Variants in VPS13B observed in about 807,000 individuals in gnomAD.
The protein encoded by VPS13B is intermembrane lipid transfer protein VPS13B.
Under a neutral mutation model 426.4 loss-of-function variants are expected in VPS13B, and 285 were observed. The observed-to-expected ratio is 0.67, with a 90% confidence interval of 0.61 to 0.74. The LOEUF is 0.74. Ranked by LOEUF, VPS13B falls within the 30% of genes least tolerant of loss-of-function variation. The pLI, the probability that VPS13B is intolerant of heterozygous loss-of-function variation, is 0.00. For synonymous variants in VPS13B, 1,676 were observed against 1,676.4 expected (o/e 1.00, Z 0.01); for missense variants, 4,537 against 4,782.6 (o/e 0.95, Z 1.51).
intron 15 of VPS13B, among the ~76,000 whole-genome samples, chr8:99,166,509 G>T (rs903742445): frequency 6.6e-6 from 1 of 152,068 alleles, no homozygotes; most frequent in Admixed American, 6.6e-5. Context: ...TATTGTTTAG[G>T]AATTAACTTA....
Position 99,818,804 on chromosome 8 carries a change from C to G in VPS13B, c.8537C>G (p.Thr2846Arg), listed in dbSNP as rs745613939. The G allele has an allele frequency of 1.2e-6, 2 of 1,613,980 alleles. No homozygotes were observed. The highest frequency in any genetic ancestry group is 1.7e-6 in the Non-Finnish European group (2 of 1,179,948). Residue 2846 changes from threonine (T) to arginine (R), a missense_variant, in exon 47 of 62, where the codon ACA becomes AGA. By Grantham distance (71) the Thr-to-Arg change is moderately conservative (BLOSUM62 -1). Coordinates refer to ENST00000357162, the MANE Select transcript of VPS13B (RefSeq NM_152564.5). ...LEKRSLGLSE[T>R]QIIPGKGQEK... The stretch of plus-strand genomic sequence containing the variant: ...AAAAGGAGTCTGGGATTGAGTGAAA[C>G]ACAAATTATTCCAGGAAAAGGGCAG...
intron 23 of VPS13B, among the ~76,000 whole-genome samples, chr8:99,448,744 T>G (rs914121282): frequency 6.6e-6 from 1 of 152,200 alleles, no homozygotes; most frequent in Non-Finnish European, 1.5e-5. Flanking sequence ...TTACACACAT[T>G]CCAGCTTTAA....
chr8:99,473,659 C>A (rs1819531077), intron 24 of VPS13B, among the ~76,000 whole-genome samples: 1 of 152,042 alleles, frequency 6.6e-6, no homozygotes, highest in African/African-American at 2.4e-5. Context: ...GAGTTCCTAA[C>A]CATTACAATA....
intron 19 of VPS13B, among the ~76,000 whole-genome samples, chr8:99,337,212 A>G (rs933293262): frequency 1.3e-5 from 2 of 152,114 alleles, no homozygotes; most frequent in Non-Finnish European, 2.9e-5. Flanking sequence ...TGTCCTTTGT[A>G]GGGACATGGA....
chr8:99,527,281 C>T (rs935407170), intron 30 of VPS13B, among the ~76,000 whole-genome samples: 1 of 151,948 alleles, frequency 6.6e-6, no homozygotes. Flanking sequence ...TAACTAACAC[C>T]TTATATGAAT....
chr8:99,809,047 T>G (rs915949623), intron 43 of VPS13B, among the ~76,000 whole-genome samples: 1 of 152,206 alleles, frequency 6.6e-6, no homozygotes, highest in Non-Finnish European at 1.5e-5. Context: ...ACCAAGGTTC[T>G]TTGATCTCAC....
intron 61 of VPS13B, 97 bp from the exon 62 acceptor site, chr8:99,875,321 G>A: frequency 6.5e-7 from 1 of 1,528,526 alleles, no homozygotes; most frequent in Non-Finnish European, 9.0e-7. Context: ...TGACCTAAAA[G>A]GCATAATGTA....
At chr8:99,372,123 C>T (rs1326737087) in intron 19 of VPS13B, among the ~76,000 whole-genome samples, 5 of 151,370 alleles carry the variant, frequency 3.3e-5, no homozygotes, top group South Asian at 2.1e-4. Context: ...AGGTGGCGGG[C>T]GCCTGTAGTC....
At chr8:99,767,012 A>G (rs1811260579) in intron 40 of VPS13B, 42 bp downstream of exon 40, 1 of 1,593,976 alleles carries the variant, frequency 6.3e-7, no homozygotes, top group Non-Finnish European at 8.6e-7. Context: ...ACACTGGGAA[A>G]CAATGATAAG....
chr8:99,866,949 A>T (rs1184809578), intron 58 of VPS13B, among the ~76,000 whole-genome samples: 1 of 152,072 alleles, frequency 6.6e-6, no homozygotes, highest in African/African-American at 2.4e-5. Flanking sequence ...TCCTCTGCTC[A>T]CTCTTGGCAT....
intron 17 of VPS13B, among the ~76,000 whole-genome samples, chr8:99,204,409 G>C (rs1360116425): frequency 6.6e-6 from 1 of 152,114 alleles, no homozygotes; most frequent in African/African-American, 2.4e-5. Context: ...AAAAACCCTA[G>C]AAGAAAACCT....
At chr8:99,875,274 A>G in intron 61 of VPS13B, 144 bp from the exon 62 acceptor site, 1 of 1,210,106 alleles carries the variant, frequency 8.3e-7, no homozygotes, top group Non-Finnish European at 1.2e-6. Flanking sequence ...ATCTCAGAGG[A>G]AAAAAGGAAA....
At chr8:99,425,640 C>G (rs1374681196) in intron 21 of VPS13B, among the ~76,000 whole-genome samples, 1 of 152,170 alleles carries the variant, frequency 6.6e-6, no homozygotes, top group African/African-American at 2.4e-5. Flanking sequence ...GAAGCATTCC[C>G]TTTGAAAACT....
rs796089442 is a variant in VPS13B at position 99,215,578 on chromosome 8, C to A, written c.2515+22521C>A. Among the ~76,000 whole-genome samples, 76 of 152,252 alleles carry A rather than the reference C, an allele frequency of 5.0e-4. 1 individual carries two copies. The highest frequency in any genetic ancestry group is 3.4e-3 in the Middle Eastern group (1 of 294). On this transcript the variant is annotated intron_variant, in intron 17 of 61. Coordinates refer to ENST00000357162, the MANE Select transcript of VPS13B (RefSeq NM_152564.5). ...TAGGTTGAGTCTGGAGAAACTCATG[C>A]ATGTGATTCCTTTTGCCCCCTGCCT...
At chr8:99,369,411 A>G (rs1813059186) in intron 19 of VPS13B, among the ~76,000 whole-genome samples, 2 of 152,244 alleles carry the variant, frequency 1.3e-5, no homozygotes, top group Admixed American at 6.5e-5. Flanking sequence ...TCCGCAAGGC[A>G]TAGGAGTAGA....
At chr8:99,829,291 C>T (rs572449749) in intron 51 of VPS13B, among the ~76,000 whole-genome samples, 4 of 151,982 alleles carry the variant, frequency 2.6e-5, no homozygotes, top group South Asian at 2.1e-4. Flanking sequence ...AGGCTTTGTT[C>T]GTTCCTTTTC....
intron 31 of VPS13B, among the ~76,000 whole-genome samples, chr8:99,557,742 G>A (rs539430452): frequency 2.3e-4 from 35 of 152,232 alleles, no homozygotes; most frequent in African/African-American, 7.2e-5. Flanking sequence ...AAAGGAAGTA[G>A]TCCTGAATGT....
At chr8:99,729,220 C>T (rs1221332082) in intron 39 of VPS13B, among the ~76,000 whole-genome samples, 2 of 152,204 alleles carry the variant, frequency 1.3e-5, no homozygotes, top group Admixed American at 6.5e-5. Flanking sequence ...TCACATCTCT[C>T]TTACTGCTCT....
At chr8:99,086,389 G>T (rs373252231) in intron 3 of VPS13B, among the ~76,000 whole-genome samples, 237 of 152,090 alleles carry the variant, frequency 1.6e-3, no homozygotes, top group African/African-American at 5.3e-3. Context: ...TGTAACTTCT[G>T]TGCCATTGGT....
Sources: allele counts gnomAD v4.1 joint callset (sites outside exome capture counted in the v4.1 genomes callset), GRCh38; gene constraint gnomAD v4.1.1; transcripts MANE v1.5; gene names NCBI Gene and HGNC (gene_info 2026-07-23, HGNC 2026-07-21).